Variants in FGD6 observed in about 807,000 individuals in gnomAD.
FGD6 encodes the protein FYVE, RhoGEF and PH domain containing 6, also known as FYVE, RhoGEF and PH domain-containing protein 6.
FGD6 carries 90 observed loss-of-function variants against 149.4 expected under a neutral mutation model. The ratio of observed to expected loss-of-function variants is 0.60; its 90% CI spans 0.51 to 0.72. FGD6 has a LOEUF of 0.72. Ranked by LOEUF, FGD6 falls within the 30% of genes least tolerant of loss-of-function variation. The pLI is 0.00. For missense variants in FGD6, 1,437 were observed against 1,684.8 expected (o/e 0.85, Z 2.57); for synonymous variants, 527 against 584.0 (o/e 0.90, Z 1.41).
At chr12:95,095,761 C>G (rs1278865263) in intron 14 of FGD6, among the ~76,000 whole-genome samples, 1 of 152,102 alleles carries the variant, frequency 6.6e-6, no homozygotes, top group African/African-American at 2.4e-5. Flanking sequence ...CGCCTGTAAT[C>G]CCAACACTTT....
intron 5 of FGD6, among the ~76,000 whole-genome samples, chr12:95,149,147 T>C (rs774636966): frequency 5.1e-5 from 1 of 19,452 alleles, no homozygotes; most frequent in South Asian, 2.4e-3. Flanking sequence ...TATTATATAT[T>C]ATATAATATA....
intron 8 of FGD6, among the ~76,000 whole-genome samples, chr12:95,131,538 T>G (rs1420292405): frequency 1.3e-5 from 2 of 151,868 alleles, no homozygotes; most frequent in Non-Finnish European, 2.9e-5. Flanking sequence ...GAACTCAAGG[T>G]TGGAGAACTG....
intron 2 of FGD6, among the ~76,000 whole-genome samples, chr12:95,178,656 T>C (rs557402170): frequency 6.6e-6 from 1 of 152,304 alleles, no homozygotes; most frequent in East Asian, 1.9e-4. Flanking sequence ...TAAGACAAAT[T>C]TTAATTTAAA....
At chr12:95,081,678 TA>T in intron 20 of FGD6, 122 bp from the exon 21 acceptor site, 1 of 359,252 alleles carries the variant, frequency 2.8e-6, no homozygotes, top group Non-Finnish European at 4.7e-6. Flanking sequence ...GATATATATA[TA>T]TATGTATTTT....
At chr12:95,108,776 CAATA>C (rs560201241) in intron 9 of FGD6, among the ~76,000 whole-genome samples, 2 of 151,902 alleles carry the variant, frequency 1.3e-5, no homozygotes, top group South Asian at 4.1e-4. Context: ...CTGGCCAAAA[CAATA>C]TATAGGGAAA....
intron 20 of FGD6, among the ~76,000 whole-genome samples, chr12:95,083,030 T>TACACACACAC (rs1555215606): frequency 4.1e-4 from 23 of 56,524 alleles, no homozygotes; most frequent in African/African-American, 1.5e-3. Context: ...TATATATATA[T>TACACACACAC]ACACACACAT....
chr12:95,198,989 A>G (rs1386551940), intron 2 of FGD6, among the ~76,000 whole-genome samples: 1 of 152,208 alleles, frequency 6.6e-6, no homozygotes, highest in Non-Finnish European at 1.5e-5. Flanking sequence ...TTCTGTGTTC[A>G]TATGCATCTG....
At chr12:95,149,430 A>G (rs1287866837) in intron 5 of FGD6, among the ~76,000 whole-genome samples, 2 of 128,368 alleles carry the variant, frequency 1.6e-5, no homozygotes, top group Admixed American at 1.0e-4. Context: ...TATAATATAT[A>G]GCATATATTA....
rs556957841 is a variant in FGD6, at chr12:95,185,310, G to A, written c.2442-12566C>T. On this transcript the variant is annotated intron_variant, in intron 2 of 20. Transcript: ENST00000343958. ...TCTATCAAACTCAGATTACATCTTCGAAAGCGAGAGTCAGGGAAAATGGAA... is the reference window on the plus strand; with the variant it reads ...TCTATCAAACTCAGATTACATCTTCAAAAGCGAGAGTCAGGGAAAATGGAA... Among the ~76,000 whole-genome samples the A allele has an allele frequency of 5.2e-3, 789 of 152,268 alleles. 2 individuals are homozygous for A. The highest frequency in any genetic ancestry group is 0.011 in the Admixed American group (172 of 15,298).
chr12:95,203,998 T>C (rs1193382853), intron 2 of FGD6, among the ~76,000 whole-genome samples: 1 of 152,188 alleles, frequency 6.6e-6, no homozygotes, highest in East Asian at 1.9e-4. Context: ...AGTAAATGGG[T>C]ACCCATCACC....
intron 11 of FGD6, 57 bp downstream of exon 11, chr12:95,108,291 C>A: frequency 2.8e-6 from 4 of 1,447,192 alleles, no homozygotes; most frequent in Non-Finnish European, 3.8e-6. Context: ...TAAACAGATA[C>A]AGATGGTACC....
At chr12:95,185,440 C>T (rs1049902344) in intron 2 of FGD6, among the ~76,000 whole-genome samples, 2 of 151,988 alleles carry the variant, frequency 1.3e-5, no homozygotes, top group Non-Finnish European at 2.9e-5. Flanking sequence ...GAAGGAAAGG[C>T]AGCAGAGAAG....
At chr12:95,099,368 A>G (rs1302225830) in intron 14 of FGD6, among the ~76,000 whole-genome samples, 2 of 152,132 alleles carry the variant, frequency 1.3e-5, no homozygotes, top group Non-Finnish European at 2.9e-5. Context: ...TGGAGCATGC[A>G]GTGTGTTGGT....
At chr12:95,081,624 G>T in intron 20 of FGD6, 68 bp from the exon 21 acceptor site, 1 of 1,062,096 alleles carries the variant, frequency 9.4e-7, no homozygotes. Flanking sequence ...CCATATAGAT[G>T]ACAGCTGGGC....
chr12:95,166,778 A>C (rs1762565152), intron 3 of FGD6, among the ~76,000 whole-genome samples: 3 of 152,062 alleles, frequency 2.0e-5, no homozygotes, highest in Admixed American at 2.0e-4. Context: ...TTTATGGCTG[A>C]ATAGTATTCC....
At chr12:95,100,068 C>A (rs76480430) in intron 14 of FGD6, among the ~76,000 whole-genome samples, 15,281 of 99,534 alleles carry the variant, frequency 0.15, 1,338 homozygotes, top group African/African-American at 0.28. Context: ...CCCCCCCCCC[C>A]ACCCCATATA....
rs1314684837 is a variant in FGD6 at position 95,210,731 on chromosome 12, C to T, written c.553G>A (p.Asp185Asn). 6.2e-7 allele frequency: 1 copy of T among 1,614,018 alleles called. No homozygotes were observed. Among genetic ancestry groups the T allele is most frequent in the Non-Finnish European group, 8.5e-7 (1 of 1,180,012 alleles). ...GGTGGCATTTGGTGTATTAAGGCAT[C>T]TTTGAGCTCCTCTTCTAAAACGCTT... ...KASVLEEELK[D>N]ALIHQMPPFI... Residue 185 changes from aspartate (D) to asparagine (N), a missense_variant, in exon 2 of 21, where the codon GAT (aspartate) becomes AAT (asparagine). By Grantham distance (23) the Asp-to-Asn change is conservative. This residue lies in a region of FGD6 where 1,055 missense variants were observed against 1,146.0 expected (regional missense o/e 0.92). Transcript: ENST00000343958.
At chr12:95,176,202 T>A (rs1592864282) in intron 2 of FGD6, among the ~76,000 whole-genome samples, 1 of 152,164 alleles carries the variant, frequency 6.6e-6, no homozygotes, top group Non-Finnish European at 1.5e-5. Flanking sequence ...CTTGCCAAAG[T>A]GCTGGGATTA....
chr12:95,118,613 T>C (rs12817989), intron 8 of FGD6, among the ~76,000 whole-genome samples: 2 of 152,118 alleles, frequency 1.3e-5, no homozygotes, highest in Non-Finnish European at 2.9e-5. Flanking sequence ...CTGAGAAATG[T>C]TTGGCAGCAA....
Sources: allele counts gnomAD v4.1 joint callset (sites outside exome capture counted in the v4.1 genomes callset), GRCh38; gene constraint gnomAD v4.1.1; regional missense constraint gnomAD v4.1.1; transcripts MANE v1.5; gene names NCBI Gene and HGNC (gene_info 2026-07-23, HGNC 2026-07-21).